The following BTBD8 variants were observed in gnomAD, a reference collection of about 807,000 sequenced individuals.
BTBD8 encodes BTB domain containing 8, also known as BTB/POZ domain-containing protein 8.
In BTBD8, 110 loss-of-function variants were observed where a neutral mutation model predicts 162.9. The observed-to-expected ratio is 0.68, with a 90% CI of 0.58 to 0.79. The LOEUF is 0.79. Among genes scored for constraint, BTBD8 ranks in the 30% least tolerant of loss-of-function variants. BTBD8 has a pLI of 0.00. For missense variants in BTBD8, 1,905 were observed against 2,085.4 expected, an observed-to-expected ratio of 0.91 and a Z score of 1.68; for synonymous variants, 667 against 716.1, an observed-to-expected ratio of 0.93 and a Z score of 1.10.
In BTBD8 at chr1:92,080,595, T is replaced by G; in HGVS notation, c.24T>G (p.Ser8Arg). The G allele has an allele frequency of 6.2e-7, 1 of 1,614,016 alleles. No individual in the cohort carries two copies. The highest frequency in any genetic ancestry group is 8.5e-7 in the Non-Finnish European group (1 of 1,179,942). ...ACATGGCTCGCTGTGGGGAAGGCAG[T>G]GCGGCCCCCATGGTACTTCTGGGGT... is the stretch of plus-strand genomic sequence containing the variant. MARCGEG[S>R]AAPMVLLGSA... The change falls in exon 1 of 18, where the codon AGT becomes AGG. Residue 8 changes from serine (S) to arginine (R), a missense_variant. Around this residue, in one of 3 missense-constraint regions of BTBD8, gnomAD observed 1,374 missense variants for 1,442.7 expected, o/e 0.95. Coordinates refer to ENST00000636805, the MANE Select transcript of BTBD8 (RefSeq NM_001376131.1).
At chr1:92,141,089 T>A (rs778630377) in intron 6 of BTBD8, 26 bp from the exon 7 acceptor site, 2 of 1,515,946 alleles carry the variant, frequency 1.3e-6, no homozygotes, top group African/African-American at 2.8e-5. Flanking sequence ...ATTGGAGAAT[T>A]AACAGTGCAT....
intron 8 of BTBD8, 34 bp from the exon 9 acceptor site, chr1:92,147,650 A>G: frequency 1.3e-6 from 2 of 1,529,544 alleles, no homozygotes; most frequent in Non-Finnish European, 1.8e-6. Flanking sequence ...AAACATCTTA[A>G]TTTCTTTAAC....
chr1:92,102,845 G>A (rs1214326154), intron 3 of BTBD8, among the ~76,000 whole-genome samples, 176 bp downstream of exon 3: 6 of 151,832 alleles, frequency 4.0e-5, no homozygotes. Flanking sequence ...TTGGAGATAG[G>A]GTTATTATGA....
intron 9 of BTBD8, among the ~76,000 whole-genome samples, chr1:92,148,389 T>G (rs189674854): frequency 7.2e-5 from 11 of 152,300 alleles, no homozygotes; most frequent in Admixed American, 5.9e-4. Flanking sequence ...GTATAGAAAT[T>G]GGGCCTTGCT....
At chr1:92,123,701 C>T (rs896380355) in intron 4 of BTBD8, among the ~76,000 whole-genome samples, 5 of 134,256 alleles carry the variant, frequency 3.7e-5, no homozygotes, top group African/African-American at 1.4e-4. Flanking sequence ...GGCGTGAACC[C>T]GGGAGGTGGA....
intron 5 of BTBD8, among the ~76,000 whole-genome samples, chr1:92,137,782 A>G (rs775322973): frequency 1.3e-5 from 2 of 152,166 alleles, no homozygotes; most frequent in Non-Finnish European, 2.9e-5. Context: ...GGGGATGGGG[A>G]TGATGCCTAA....
chr1:92,107,895 T>G lies in BTBD8; in HGVS notation c.556T>G (p.Leu186Val). ...TTTCTTTTTTAAAGATAATTATGAC[T>G]TGGAGCCTGCATCTGAATTAGGAGA... ...DDFISNDNYDLEPASELGEDL... is the reference protein window; with the variant it reads ...DDFISNDNYDVEPASELGEDL... The change falls in exon 4 of 18, where the codon TTG (leucine) becomes GTG (valine). Residue 186 changes from leucine (L) to valine (V), a missense_variant. This residue lies in a region of BTBD8 where 1,374 missense variants were observed against 1,442.7 expected (regional missense o/e 0.95). Coordinates refer to ENST00000636805, the MANE Select transcript of BTBD8 (RefSeq NM_001376131.1). 6.2e-7 allele frequency: 1 copy of G among 1,613,204 alleles called. No homozygotes were observed. Among genetic ancestry groups the G allele is most frequent in the Non-Finnish European group, 8.5e-7 (1 of 1,179,544 alleles).
At position 92,180,372 on chromosome 1, in the gene BTBD8, C is replaced by A. The variant is rs1650847074; in HGVS notation, c.2689C>A (p.Pro897Thr). The change falls in exon 17 of 18, where the codon CCT becomes ACT. Residue 897 changes from proline to threonine, a missense_variant. This residue lies in a region of BTBD8 where 1,374 missense variants were observed against 1,442.7 expected (regional missense o/e 0.95). Coordinates refer to ENST00000636805, the MANE Select transcript of BTBD8 (RefSeq NM_001376131.1). ...DHNTTTEKQA[P>T]KRKMVKQVHT... ...CAATACAACTACAGAGAAACAAGCA[C>A]CTAAGAGAAAAATGGTCAAGCAAGT... The A allele has an allele frequency of 6.4e-7, 1 of 1,551,254 alleles. No homozygotes were observed. The highest frequency in any genetic ancestry group is 8.7e-7 in the Non-Finnish European group (1 of 1,146,930).
intron 2 of BTBD8, among the ~76,000 whole-genome samples, chr1:92,093,721 G>T (rs1352911553): frequency 6.6e-6 from 1 of 152,226 alleles, no homozygotes; most frequent in Non-Finnish European, 1.5e-5. Flanking sequence ...GCCTGGGCAT[G>T]TGGTAAGCAC....
chr1:92,180,483 A>C lies in BTBD8; in HGVS notation c.2800A>C (p.Asn934His). The change falls in exon 17 of 18, where the codon AAT becomes CAT. Residue 934 changes from asparagine (N) to histidine (H), a missense_variant. Physicochemically the swap from Asn to His is moderately conservative, Grantham distance 68. Coordinates refer to ENST00000636805, the MANE Select transcript of BTBD8 (RefSeq NM_001376131.1). ...NQSKKGETLN[N>H]KDSKQKMPPG... is the part of the protein sequence containing the mutation. ...GTCAAAGAAAGGTGAAACTTTGAAT[A>C]ATAAAGATTCAAAACAGAAAATGCC... The C allele has an allele frequency of 6.5e-7, 1 of 1,550,356 alleles. No homozygotes were observed. The highest frequency in any genetic ancestry group is 1.2e-5 in the South Asian group (1 of 83,802).
chr1:92,135,161 A>G (rs1463603491), intron 5 of BTBD8, among the ~76,000 whole-genome samples: 2 of 151,996 alleles, frequency 1.3e-5, no homozygotes, highest in Non-Finnish European at 1.5e-5. Flanking sequence ...TGCTGGGATT[A>G]TAGGCGTGAG....
intron 16 of BTBD8, among the ~76,000 whole-genome samples, chr1:92,179,363 G>A (rs1650819158): frequency 6.6e-6 from 1 of 152,038 alleles, no homozygotes; most frequent in Non-Finnish European, 1.5e-5. Flanking sequence ...TCAGTGTTCT[G>A]AAAACGAAAA....
At chr1:92,141,288 A>C (rs1021374355) in intron 7 of BTBD8, 77 bp downstream of exon 7, 1 of 1,393,848 alleles carries the variant, frequency 7.2e-7, no homozygotes, top group Non-Finnish European at 9.5e-7. Flanking sequence ...TAACTCTGAT[A>C]GTAATAGTGC....
intron 4 of BTBD8, among the ~76,000 whole-genome samples, chr1:92,122,464 G>A (rs777695756): frequency 2.0e-5 from 3 of 151,970 alleles, no homozygotes; most frequent in Admixed American, 1.3e-4. Flanking sequence ...TCACCATGTT[G>A]GCCAGGATGG....
At chr1:92,105,255 T>C (rs543279079) in intron 3 of BTBD8, among the ~76,000 whole-genome samples, 1 of 145,080 alleles carries the variant, frequency 6.9e-6, no homozygotes, top group African/African-American at 2.6e-5. Context: ...TTTTTTAAAT[T>C]TTTATTGTTT....
At chr1:92,120,903 T>C (rs1649189873) in intron 4 of BTBD8, among the ~76,000 whole-genome samples, 1 of 152,112 alleles carries the variant, frequency 6.6e-6, no homozygotes, top group African/African-American at 2.4e-5. Flanking sequence ...ACTGGGATTA[T>C]AGACGTGCAC....
At chr1:92,166,821 A>G (rs2100668038) in intron 9 of BTBD8, 137 bp from the exon 10 acceptor site, 1 of 817,914 alleles carries the variant, frequency 1.2e-6, no homozygotes. Context: ...TGTAAAACTA[A>G]TAACAAAGAC....
chr1:92,113,420 T>C (rs1648948139), intron 4 of BTBD8, among the ~76,000 whole-genome samples: 1 of 152,354 alleles, frequency 6.6e-6, no homozygotes, highest in East Asian at 1.9e-4. Flanking sequence ...AAAACAGAGC[T>C]GCTAGACTGC....
At chr1:92,145,084 C>G (rs1201056372) in intron 7 of BTBD8, among the ~76,000 whole-genome samples, 1 of 152,112 alleles carries the variant, frequency 6.6e-6, no homozygotes, top group African/African-American at 2.4e-5. Context: ...CTGCCTCAGC[C>G]TCCTGAGTAG....
Sources: gnomAD v4.1 joint callset for allele counts (sites outside exome capture counted in the v4.1 genomes callset) on GRCh38, gnomAD v4.1.1 for gene constraint, gnomAD v4.1.1 regional missense constraint, MANE v1.5 for transcripts, NCBI Gene and HGNC (gene_info 2026-07-23, HGNC 2026-07-21) for gene names.